Variants in NRXN3 observed in about 807,000 individuals in gnomAD.
The protein encoded by NRXN3 is neurexin 3, also known as neurexin III.
Under a neutral mutation model 137.6 loss-of-function variants are expected in NRXN3, and 32 were observed. That is an observed-to-expected ratio of 0.23 (90% confidence interval 0.18 to 0.31). The LOEUF is 0.31. Ranked by LOEUF, NRXN3 falls within the 10% of genes least tolerant of loss-of-function variation. The probability of loss-of-function intolerance (pLI) is 1.00; values close to 1 mark genes in which losing one functional copy is unlikely to be tolerated. For synonymous variants in NRXN3, 798 were observed against 784.5 expected (o/e 1.02, Z -0.29); for missense variants, 1,574 against 2,062.5 (o/e 0.76, Z 4.59).
chr14:78,794,467 G>C (rs1413509546), intron 8 of NRXN3, among the ~76,000 whole-genome samples: 1 of 152,160 alleles, frequency 6.6e-6, no homozygotes, highest in Non-Finnish European at 1.5e-5. Context: ...ATTTTAGTGA[G>C]TTATCTTGGA....
At chr14:78,290,393 C>G (rs925471892) in intron 3 of NRXN3, among the ~76,000 whole-genome samples, 1 of 152,172 alleles carries the variant, frequency 6.6e-6, no homozygotes, top group African/African-American at 2.4e-5. Context: ...CAGGCCTAGG[C>G]TCTGCTGTAA....
intron 10 of NRXN3, among the ~76,000 whole-genome samples, chr14:78,909,380 C>A (rs1489749572): frequency 1.3e-5 from 2 of 152,142 alleles, no homozygotes; most frequent in Non-Finnish European, 2.9e-5. Context: ...TGTTGACTTT[C>A]TGAACGTCCA....
intron 1 of NRXN3, among the ~76,000 whole-genome samples, chr14:78,228,474 C>T (rs10483895): frequency 0.074 from 11,235 of 152,100 alleles, 506 homozygotes; most frequent in African/African-American, 0.12. Context: ...AAAATCATAG[C>T]GTGAGTAAGG....
At chr14:79,482,061 A>G (rs1267860737) in intron 16 of NRXN3, among the ~76,000 whole-genome samples, 5 of 152,104 alleles carry the variant, frequency 3.3e-5, no homozygotes, top group Non-Finnish European at 7.4e-5. Flanking sequence ...AAATCTTGTG[A>G]CCTCCGGAAT....
intron 15 of NRXN3, among the ~76,000 whole-genome samples, chr14:79,300,100 T>C (rs1389107263): frequency 2.0e-5 from 3 of 152,064 alleles, no homozygotes; most frequent in African/African-American, 7.2e-5. Context: ...CCAAGCACTA[T>C]GTTGAAGTGC....
intron 4 of NRXN3, among the ~76,000 whole-genome samples, chr14:78,529,683 G>A (rs2096433009): frequency 1.3e-5 from 2 of 152,102 alleles, no homozygotes; most frequent in Non-Finnish European, 2.9e-5. Context: ...CTGAATTACA[G>A]CATTTTCTAA....
At chr14:79,389,833 GA>G (rs2094781345) in intron 15 of NRXN3, among the ~76,000 whole-genome samples, 1 of 152,164 alleles carries the variant, frequency 6.6e-6, no homozygotes, top group South Asian at 2.1e-4. Flanking sequence ...TAGTACTAGT[GA>G]AAGTCAGGTT....
chr14:79,466,357 G>A (rs1369231814), intron 15 of NRXN3, among the ~76,000 whole-genome samples: 2 of 152,168 alleles, frequency 1.3e-5, no homozygotes, highest in Non-Finnish European at 2.9e-5. Context: ...GGTGGCCAAG[G>A]CAGTCAGATC....
chr14:79,546,787 A>G (rs1015649331), intron 16 of NRXN3, among the ~76,000 whole-genome samples: 9 of 152,178 alleles, frequency 5.9e-5, no homozygotes, highest in Admixed American at 2.6e-4. Context: ...TTTTCCATCT[A>G]TAACCCCAGC....
At chr14:78,205,193 A>G (rs183288872) in intron 1 of NRXN3, among the ~76,000 whole-genome samples, 73 of 152,334 alleles carry the variant, frequency 4.8e-4, no homozygotes, top group African/African-American at 1.7e-3. Context: ...TCTAAATATC[A>G]TTGCGAGGAC....
chr14:78,811,129 G>A (rs1303066844), intron 10 of NRXN3, among the ~76,000 whole-genome samples: 1 of 152,214 alleles, frequency 6.6e-6, no homozygotes, highest in Non-Finnish European at 1.5e-5. Flanking sequence ...GAAGAAATAT[G>A]CTTTGAGTAC....
At chr14:79,467,696 AT>A (rs767300837) in intron 16 of NRXN3, among the ~76,000 whole-genome samples, 9 of 152,110 alleles carry the variant, frequency 5.9e-5, no homozygotes, top group Non-Finnish European at 1.0e-4. Context: ...TCTAGGGTAT[AT>A]TTAAGAGATT....
intron 15 of NRXN3, among the ~76,000 whole-genome samples, chr14:79,402,850 C>G (rs1050151515): frequency 6.6e-6 from 1 of 152,098 alleles, no homozygotes; most frequent in African/African-American, 2.4e-5. Flanking sequence ...GCAAGACAGA[C>G]TCAGAATCTT....
chr14:79,196,472 A>G (rs532368262), intron 15 of NRXN3, among the ~76,000 whole-genome samples: 1 of 152,290 alleles, frequency 6.6e-6, no homozygotes, highest in East Asian at 1.9e-4. Flanking sequence ...ACACTGATCC[A>G]TTCATGAGAA....
intron 4 of NRXN3, among the ~76,000 whole-genome samples, chr14:78,302,376 A>G (rs962441044): frequency 1.3e-5 from 2 of 152,110 alleles, no homozygotes; most frequent in African/African-American, 2.4e-5. Context: ...CTCATAACTC[A>G]TCTGTGAGGT....
At chr14:79,624,808 T>C (rs1361880391) in intron 16 of NRXN3, among the ~76,000 whole-genome samples, 3 of 142,380 alleles carry the variant, frequency 2.1e-5, no homozygotes, top group Non-Finnish European at 3.1e-5. Flanking sequence ...TTTTTGTTTG[T>C]TTTTGTTTTT....
chr14:79,625,567 C>T (rs1258818012), intron 16 of NRXN3, among the ~76,000 whole-genome samples: 1 of 152,016 alleles, frequency 6.6e-6, no homozygotes, highest in Non-Finnish European at 1.5e-5. Context: ...TATATTCCCA[C>T]TAACAGTGTA....
intron 20 of NRXN3, among the ~76,000 whole-genome samples, chr14:79,808,607 C>A (rs192175562): frequency 6.6e-6 from 1 of 152,198 alleles, no homozygotes; most frequent in East Asian, 1.9e-4. Flanking sequence ...ACTACTTTAT[C>A]TTCTTTCACT....
rs190792961 is a variant in NRXN3 at position 79,350,218 on chromosome 14, C to T, written c.3263-117003C>T. On this transcript the variant is annotated intron_variant, in intron 15 of 20. Coordinates refer to ENST00000335750, the MANE Select transcript of NRXN3 (RefSeq NM_001330195.2). Reference sequence around the variant, plus strand: ...TTTTATAATCAAACATTCAAGTATGCTCTGATTGAGAGAATTGATTTCCAT... The same window carrying T: ...TTTTATAATCAAACATTCAAGTATGTTCTGATTGAGAGAATTGATTTCCAT... 5.4e-4 allele frequency among the ~76,000 whole-genome samples: 82 copies of T among 152,276 alleles called. 1 individual carries two copies. Among genetic ancestry groups the T allele is most frequent in the African/African-American group, 1.9e-3 (77 of 41,568 alleles).
Sources: gnomAD v4.1 joint callset for allele counts (sites outside exome capture counted in the v4.1 genomes callset) on GRCh38, gnomAD v4.1.1 for gene constraint, MANE v1.5 for transcripts, NCBI Gene and HGNC (gene_info 2026-07-23, HGNC 2026-07-21) for gene names.